FCHSD2: variants seen among roughly 807,000 people sequenced by gnomAD.
FCHSD2 encodes the protein FCH and double SH3 domains 2.
FCHSD2 carries 38 observed loss-of-function variants against 108.1 expected under a neutral mutation model. That is an observed-to-expected ratio of 0.35 (90% CI 0.27 to 0.46). FCHSD2 has a LOEUF of 0.46. Among genes scored for constraint, FCHSD2 ranks in the 20% least tolerant of loss-of-function variants. The pLI, the probability that FCHSD2 is intolerant of heterozygous loss-of-function variation, is 1.00. For missense variants in FCHSD2, 751 were observed against 897.8 expected (o/e 0.84, Z 2.09); for synonymous variants, 279 against 314.7 (o/e 0.89, Z 1.20).
At chr11:73,072,247 A>C (rs143807686) in intron 3 of FCHSD2, among the ~76,000 whole-genome samples, 189 of 151,946 alleles carry the variant, frequency 1.2e-3, no homozygotes, top group African/African-American at 4.3e-3. Flanking sequence ...GAGGAAAATA[A>C]TGGGGATCAG....
At chr11:73,140,852 G>A (rs901239824) in intron 1 of FCHSD2, among the ~76,000 whole-genome samples, 11 of 152,224 alleles carry the variant, frequency 7.2e-5, no homozygotes, top group African/African-American at 1.7e-4. Flanking sequence ...CGAAGTTAAC[G>A]GTCAGTCTGG....
At chr11:72,989,371 G>A (rs935826933) in intron 5 of FCHSD2, among the ~76,000 whole-genome samples, 10 of 152,308 alleles carry the variant, frequency 6.6e-5, no homozygotes, top group Middle Eastern at 3.4e-3. Flanking sequence ...GTTAAGGTAA[G>A]ACATGGAAGA....
At chr11:72,868,863 G>A (rs1854788951) in intron 12 of FCHSD2, among the ~76,000 whole-genome samples, 1 of 151,790 alleles carries the variant, frequency 6.6e-6, no homozygotes, top group Non-Finnish European at 1.5e-5. Flanking sequence ...TATTCTTGGT[G>A]GCAATGCAGC....
chr11:73,118,717 G>C (rs962356395), intron 2 of FCHSD2, among the ~76,000 whole-genome samples: 4 of 152,142 alleles, frequency 2.6e-5, no homozygotes, highest in Admixed American at 2.6e-4. Context: ...ATACTATAAT[G>C]ATGATGGCAA....
chr11:73,136,866 C>T (rs1391140963), intron 2 of FCHSD2, among the ~76,000 whole-genome samples: 1 of 152,042 alleles, frequency 6.6e-6, no homozygotes, highest in Non-Finnish European at 1.5e-5. Flanking sequence ...CCAGTCTCTA[C>T]TAACAATACA....
chr11:73,106,617 T>C (rs1351495052), intron 2 of FCHSD2, among the ~76,000 whole-genome samples: 1 of 151,700 alleles, frequency 6.6e-6, no homozygotes, highest in Non-Finnish European at 1.5e-5. Context: ...TATTGATAAA[T>C]AAATACAGTA....
chr11:72,887,949 T>C (rs1031489446), intron 11 of FCHSD2, among the ~76,000 whole-genome samples: 2 of 152,216 alleles, frequency 1.3e-5, no homozygotes, highest in Non-Finnish European at 2.9e-5. Context: ...AACACTGAAT[T>C]TGAGACACCT....
intron 8 of FCHSD2, among the ~76,000 whole-genome samples, chr11:72,983,016 C>T (rs565780006): frequency 7.4e-4 from 112 of 151,764 alleles, no homozygotes; most frequent in Non-Finnish European, 1.2e-3. Flanking sequence ...AGAAAGGGGC[C>T]GGGCGCGGTG....
intron 2 of FCHSD2, among the ~76,000 whole-genome samples, chr11:73,131,255 C>T (rs540394990): frequency 2.0e-4 from 31 of 151,720 alleles, no homozygotes; most frequent in Non-Finnish European, 3.8e-4. Flanking sequence ...CAGTGGTTCA[C>T]GCCTGTAATC....
chr11:72,841,476 A>T lies in FCHSD2; in HGVS notation c.2034T>A (p.Phe678Leu), dbSNP rs1199908300. The T allele has an allele frequency of 6.2e-7, 1 of 1,610,262 alleles. No individual in the cohort carries two copies. The highest frequency in any genetic ancestry group is 8.5e-7 in the Non-Finnish European group (1 of 1,178,448). The change falls in exon 18 of 20, where the codon TTT becomes TTA. Residue 678 changes from phenylalanine (F) to leucine (L), a missense_variant. Phe to Leu is a conservative substitution (Grantham distance 22). Transcript: ENST00000409418. ...PSPDKRSSLY[F>L]PRSPSANEKS... ...TACCGTTTGCTGAAGGAGACCGGGG[A>T]AAGTACAGGGAGCTCCTCTTATCTG...
intron 10 of FCHSD2, among the ~76,000 whole-genome samples, chr11:72,901,660 A>C (rs10736789): frequency 0.99 from 150,800 of 152,152 alleles, 74,729 homozygotes; most frequent in East Asian, 1. Context: ...AAAAATGGTA[A>C]TTTTTGTGTT....
At chr11:72,901,047 T>C (rs900533644) in intron 10 of FCHSD2, among the ~76,000 whole-genome samples, 9 of 152,240 alleles carry the variant, frequency 5.9e-5, no homozygotes, top group Admixed American at 2.6e-4. Flanking sequence ...ATTTAAATAA[T>C]GGCAAACATT....
Position 72,887,482 on chromosome 11 carries a change from A to T in FCHSD2, c.1134T>A (p.Ile378=). Residue 378 remains isoleucine (I), a synonymous_variant, in exon 12 of 20, where the codon ATT becomes ATA. Coordinates refer to ENST00000409418, the MANE Select transcript of FCHSD2 (RefSeq NM_014824.3). The part of the protein sequence containing the change: ...EQKIDEAREN[I]RKAEIIKLKA... ...GCTGCCACCTTACCTCTGCTTTACG[A>T]ATATTTTCTCTAGCTTCATCTATTT... 1 of 1,604,570 alleles carries T rather than the reference A, an allele frequency of 6.2e-7. No homozygotes were observed. Among genetic ancestry groups the T allele is most frequent in the Non-Finnish European group, 8.5e-7 (1 of 1,175,820 alleles).
intron 3 of FCHSD2, among the ~76,000 whole-genome samples, chr11:73,061,416 T>A (rs1187298380): frequency 6.6e-6 from 1 of 152,168 alleles, no homozygotes; most frequent in Non-Finnish European, 1.5e-5. Flanking sequence ...GGAATTCTTT[T>A]TTTCCATACC....
intron 11 of FCHSD2, 144 bp from the exon 12 acceptor site, chr11:72,887,718 AAAT>A (rs1158690642): frequency 1.3e-5 from 7 of 545,634 alleles, no homozygotes; most frequent in African/African-American, 2.0e-5. Flanking sequence ...GAACATTTTG[AAAT>A]AATTATAGAC....
chr11:72,978,059 G>C (rs1857139817), intron 8 of FCHSD2, among the ~76,000 whole-genome samples: 1 of 152,120 alleles, frequency 6.6e-6, no homozygotes, highest in Admixed American at 6.5e-5. Flanking sequence ...ACTACAGCAA[G>C]GACAGAAAAC....
At chr11:72,990,420 C>T (rs568905202) in intron 5 of FCHSD2, among the ~76,000 whole-genome samples, 7 of 152,298 alleles carry the variant, frequency 4.6e-5, no homozygotes, top group South Asian at 2.1e-4. Flanking sequence ...CAGCACCACA[C>T]TGCACTTATT....
chr11:72,840,474 T>C (rs1860888076), intron 19 of FCHSD2, among the ~76,000 whole-genome samples: 2 of 152,180 alleles, frequency 1.3e-5, no homozygotes, highest in Admixed American at 1.3e-4. Context: ...ACCCGGAGAA[T>C]AAACGCTCTT....
intron 14 of FCHSD2, among the ~76,000 whole-genome samples, chr11:72,843,858 A>G (rs563566111): frequency 3.5e-4 from 54 of 152,178 alleles, no homozygotes; most frequent in African/African-American, 1.3e-3. Context: ...AATAAATAAA[A>G]TTAGTCAGGC....
Sources: gnomAD v4.1 joint callset for allele counts (sites outside exome capture counted in the v4.1 genomes callset) on GRCh38, gnomAD v4.1.1 for gene constraint, MANE v1.5 for transcripts, NCBI Gene and HGNC (gene_info 2026-07-23, HGNC 2026-07-21) for gene names.